Variants in B3GALT1 observed in about 807,000 individuals in gnomAD.
B3GALT1 encodes beta-1,3-galactosyltransferase 1.
In B3GALT1, 10 loss-of-function variants were observed where a neutral mutation model predicts 23.2. The ratio of observed to expected loss-of-function variants is 0.43; its 90% confidence interval spans 0.27 to 0.73. The LOEUF (loss-of-function observed/expected upper bound fraction) is 0.73, where lower values mean the gene tolerates loss of function less well. B3GALT1 is among the 30% of genes least tolerant of loss of function. B3GALT1 has a pLI of 0.21. For missense variants in B3GALT1, 299 were observed against 405.4 expected (o/e 0.74, Z 2.25); for synonymous variants, 156 against 141.5 (o/e 1.10, Z -0.73).
intron 1 of B3GALT1, among the ~76,000 whole-genome samples, chr2:167,297,833 G>C (rs189677707): frequency 1.3e-5 from 2 of 152,200 alleles, no homozygotes; most frequent in African/African-American, 4.8e-5. Context: ...TAATGAATTA[G>C]TGCCAACTTA....
rs185009813 is a variant in B3GALT1, at chr2:167,740,542, A to G, written c.-351-78130A>G. On this transcript the variant is annotated intron_variant, in intron 3 of 4. Coordinates refer to ENST00000392690, the MANE Select transcript of B3GALT1 (RefSeq NM_020981.4). The stretch of plus-strand genomic sequence containing the variant: ...TATTGTTATAGGATGATAATAAATA[A>G]CTATATTATTTTGCAGATACTTGGC... 1.0e-3 allele frequency among the ~76,000 whole-genome samples: 157 copies of G among 152,288 alleles called. 2 individuals carry two copies. The highest frequency in any genetic ancestry group is 9.6e-4 in the Non-Finnish European group (65 of 68,012).
rs1313441232 is a variant in B3GALT1 at position 167,812,958 on chromosome 2, C to CAT, written c.-351-5712_-351-5711dup. 2.2e-3 allele frequency among the ~76,000 whole-genome samples: 322 copies of CAT among 144,112 alleles called. 3 individuals are homozygous for CAT. The highest frequency in any genetic ancestry group is 7.6e-3 in the African/African-American group (296 of 38,948). 94.5% of individuals were successfully genotyped at this position (144,112 alleles called of 152,430 possible). A position where few individuals can be genotyped will look rare whatever the true frequency, so the allele number is the denominator to read the frequency against. On this transcript the variant is annotated intron_variant, in intron 3 of 4. Transcript: ENST00000392690. ...TTAATCACACACCAAGACATACATG[C>CAT]ATACACACACACACACACACGCACC...
chr2:167,340,313 GAAAAA>G lies in B3GALT1; in HGVS notation c.-511+46997_-511+47001del, dbSNP rs773710953. Among the ~76,000 whole-genome samples, 5 of 87,396 alleles carry G rather than the reference GAAAAA, an allele frequency of 5.7e-5. 1 individual carries two copies. The highest frequency in any genetic ancestry group is 2.5e-4 in the Admixed American group (2 of 7,968). The allele number at this position is 87,396 out of a possible 152,430, so 57.3% of individuals were successfully genotyped here. ...GAAGACCATTGCTGTGGTACAGGGA[GAAAAA>G]AAAAAAAAAAAAAAAAACAGAGCTT... is the stretch of plus-strand genomic sequence containing the variant. On this transcript the variant is annotated intron_variant, in intron 1 of 4. Transcript: ENST00000392690.
Position 167,869,432 on chromosome 2 carries a change from G to T in B3GALT1, c.393G>T (p.Glu131Asp), listed in dbSNP as rs764084910. Residue 131 changes from glutamate to aspartate, a missense_variant, in exon 5 of 5, where the codon GAG becomes GAT. By Grantham distance (45) the Glu-to-Asp change is conservative. Around this residue, in one of 3 missense-constraint regions of B3GALT1, gnomAD observed 162 missense variants for 184.1 expected, o/e 0.88. Transcript: ENST00000392690. The surrounding 1 kb of genome is among the most constrained non-coding windows in gnomAD (Gnocchi z 6.4). Reference sequence around the variant, plus strand: ...ATCCTGTTCTCAATCAGATGGTGGAGCAAGAGAGCCAAATCTTCCATGATA... The same window carrying T: ...ATCCTGTTCTCAATCAGATGGTGGATCAAGAGAGCCAAATCTTCCATGATA... ...NADPVLNQMV[E>D]QESQIFHDII... 5.0e-6 allele frequency: 8 copies of T among 1,614,074 alleles called. No homozygotes were observed. The highest frequency in any genetic ancestry group is 1.3e-5 in the African/African-American group (1 of 75,004).
At chr2:167,317,206 A>G (rs1696733426) in intron 1 of B3GALT1, among the ~76,000 whole-genome samples, 1 of 152,164 alleles carries the variant, frequency 6.6e-6, no homozygotes, top group Non-Finnish European at 1.5e-5. Flanking sequence ...GGGCTATTTC[A>G]GCATTGATTG....
At chr2:167,824,854 G>A (rs576136403) in intron 4 of B3GALT1, among the ~76,000 whole-genome samples, 1 of 152,310 alleles carries the variant, frequency 6.6e-6, no homozygotes, top group African/African-American at 2.4e-5. Flanking sequence ...CTTTGCATAT[G>A]TTGCATTCAG....
intron 4 of B3GALT1, among the ~76,000 whole-genome samples, chr2:167,821,290 T>TTAAG (rs1689100154): frequency 6.6e-6 from 1 of 152,068 alleles, no homozygotes; most frequent in South Asian, 2.1e-4. Context: ...CCTTGAATGT[T>TTAAG]TAAGTCTTTT....
At chr2:167,780,333 G>T (rs1479054288) in intron 3 of B3GALT1, among the ~76,000 whole-genome samples, 1 of 152,210 alleles carries the variant, frequency 6.6e-6, no homozygotes, top group African/African-American at 2.4e-5. Context: ...CAAGGAAAAG[G>T]TTGAGAGTGT....
chr2:167,394,587 T>C (rs1698066843), intron 1 of B3GALT1, among the ~76,000 whole-genome samples: 1 of 152,082 alleles, frequency 6.6e-6, no homozygotes. Flanking sequence ...CTAGGAGCAA[T>C]TTGATGTGGG....
intron 1 of B3GALT1, among the ~76,000 whole-genome samples, chr2:167,382,479 C>T (rs1228210744): frequency 6.6e-6 from 1 of 152,056 alleles, no homozygotes; most frequent in Admixed American, 6.6e-5. Context: ...CCCTCCCTTC[C>T]TCCTTTTCTT....
Position 167,608,702 on chromosome 2 carries a change from A to T in B3GALT1, c.-409-38207A>T, listed in dbSNP as rs187334077. ...TTCTGACCTTCACACTGTTGACATG[A>T]TGGAAAAACCATCAAATGTGATGGA... is the stretch of plus-strand genomic sequence containing the variant. On this transcript the variant is annotated intron_variant, in intron 2 of 4. Transcript: ENST00000392690. 5.3e-3 allele frequency among the ~76,000 whole-genome samples: 805 copies of T among 152,298 alleles called. 6 individuals are homozygous for T. The highest frequency in any genetic ancestry group is 0.014 in the Middle Eastern group (4 of 294).
intron 3 of B3GALT1, among the ~76,000 whole-genome samples, chr2:167,669,073 A>G (rs1267543536): frequency 1.3e-5 from 2 of 151,038 alleles, no homozygotes; most frequent in Non-Finnish European, 2.9e-5. Context: ...TCTTTCTCTT[A>G]TTTTTTCCGC....
intron 4 of B3GALT1, among the ~76,000 whole-genome samples, chr2:167,847,412 C>A (rs1036705442): frequency 6.6e-6 from 1 of 152,142 alleles, no homozygotes; most frequent in African/African-American, 2.4e-5. Flanking sequence ...AGGAATAAAA[C>A]TGGAAATCAA....
At position 167,745,072 on chromosome 2, in the gene B3GALT1, T is replaced by G. The variant is rs929158462; in HGVS notation, c.-351-73600T>G. 6.6e-5 allele frequency among the ~76,000 whole-genome samples: 10 copies of G among 151,914 alleles called. No homozygotes were observed. In the South Asian group the frequency reaches 2.1e-3, roughly 32 times the overall value. ...TCTTTTTTTTTCTCTTTTTGTCCCTTTACATTTTGAATTAATGAAAACTAT... is the reference window on the plus strand; with the variant it reads ...TCTTTTTTTTTCTCTTTTTGTCCCTGTACATTTTGAATTAATGAAAACTAT... On this transcript the variant is annotated intron_variant, in intron 3 of 4. Transcript: ENST00000392690.
rs397870339 is a variant in B3GALT1, at chr2:167,871,891, C to CTTTTTTTTTTTTTTTT, written c.*1884_*1899dup. 15 of 62,464 alleles carry CTTTTTTTTTTTTTTTT rather than the reference C, an allele frequency of 2.4e-4. No individual in the cohort carries two copies. Among genetic ancestry groups the CTTTTTTTTTTTTTTTT allele is most frequent in the South Asian group, 7.6e-4 (1 of 1,320 alleles). 3.9% of individuals were successfully genotyped at this position (62,464 alleles called of 1,614,324 possible). A position where few individuals can be genotyped will look rare whatever the true frequency, so the allele number is the denominator to read the frequency against. ...AGAGTGTACCTTTTTTATTTATTTA[C>CTTTTTTTTTTTTTTTT]TTTTTTTTTTTTTTTTTTTTTTTTT... On this transcript the variant is annotated 3_prime_UTR_variant, in exon 5 of 5. Transcript: ENST00000392690.
intron 2 of B3GALT1, among the ~76,000 whole-genome samples, chr2:167,522,097 G>A (rs1289321842): frequency 1.3e-5 from 2 of 150,098 alleles, no homozygotes; most frequent in Non-Finnish European, 3.0e-5. Context: ...TACTGATATG[G>A]CCATTAGACC....
intron 1 of B3GALT1, among the ~76,000 whole-genome samples, chr2:167,457,879 C>T (rs931652479): frequency 6.6e-6 from 1 of 152,122 alleles, no homozygotes; most frequent in African/African-American, 2.4e-5. Flanking sequence ...GGGTGCTCCC[C>T]AACAATCTGT....
At chr2:167,667,596 C>G (rs968394743) in intron 3 of B3GALT1, among the ~76,000 whole-genome samples, 1 of 152,308 alleles carries the variant, frequency 6.6e-6, no homozygotes, top group Admixed American at 6.5e-5. Context: ...ACCAATCAGA[C>G]GTAGATTTGG....
chr2:167,774,162 G>C (rs1448891011), intron 3 of B3GALT1, among the ~76,000 whole-genome samples: 1 of 152,138 alleles, frequency 6.6e-6, no homozygotes, highest in African/African-American at 2.4e-5. Context: ...TTTCTATTTT[G>C]TGTAAGAATC....
Sources: gnomAD v4.1 joint callset for allele counts (sites outside exome capture counted in the v4.1 genomes callset) on GRCh38, gnomAD v4.1.1 for gene constraint, gnomAD v4.1.1 regional missense constraint, Gnocchi (gnomAD v3.1) non-coding constraint, MANE v1.5 for transcripts, NCBI Gene and HGNC (gene_info 2026-07-23, HGNC 2026-07-21) for gene names.